The following ZNF577 variants were observed in gnomAD, a reference collection of about 807,000 sequenced individuals.
ZNF577 encodes the protein zinc finger protein 577.
A neutral mutation model predicts 13.9 loss-of-function variants in ZNF577; 14 were observed. The observed-to-expected ratio is 1.00, with a 90% CI of 0.66 to 1.57. ZNF577 has a LOEUF of 1.57. Among genes scored for constraint, ZNF577 ranks in the 40% most tolerant of loss-of-function variants. The pLI, the probability that ZNF577 is intolerant of heterozygous loss-of-function variation, is 0.00. For synonymous variants in ZNF577, 203 were observed against 202.9 expected (o/e 1.00, Z 0.00); for missense variants, 555 against 579.2 (o/e 0.96, Z 0.43).
chr19:51,824,859 G>GA lies in ZNF577; in HGVS notation c.*600-13186dup, dbSNP rs763026655. On this transcript the variant is annotated intron_variant and NMD_transcript_variant, in intron 9 of 10. Coordinates refer to the ZNF577 transcript ENST00000638827. This position sits in a 1 kb window ranked among gnomAD's most constrained non-coding sequence, Gnocchi z 4.7. ...GTCTCTTTCTACCCTGCGTTAAGCGGAAAAAAAAAATTCTGACAGTGTTTT... is the reference window on the plus strand; with the variant it reads ...GTCTCTTTCTACCCTGCGTTAAGCGGAAAAAAAAAAATTCTGACAGTGTTTT... 3,656 of 1,338,056 alleles carry GA rather than the reference G, an allele frequency of 2.7e-3. No homozygotes were observed. The highest frequency in any genetic ancestry group is 3.2e-3 in the Non-Finnish European group (3,177 of 997,126). 82.9% of individuals were successfully genotyped at this position (1,338,056 alleles called of 1,614,324 possible). A position where few individuals can be genotyped will look rare whatever the true frequency, so the allele number is the denominator to read the frequency against.
In ZNF577 at chr19:51,878,399, T is replaced by G. The variant is rs765517633; in HGVS notation, c.177A>C (p.Leu59=). The G allele has an allele frequency of 6.2e-6, 10 of 1,614,052 alleles. No homozygotes were observed. The highest frequency in any genetic ancestry group is 7.6e-6 in the Non-Finnish European group (9 of 1,179,938). ...KEVMLENYIN[L]VSIGYRGTKP... ...CAATGCTGTCCTTACCTATTGATAC[T>G]AGGTTGATGTAGTTCTCCAACATTA... Residue 59 remains leucine (L), a synonymous_variant, in exon 4 of 6, where the codon CTA becomes CTC. Coordinates refer to ENST00000638348, the MANE Select transcript of ZNF577 (RefSeq NM_001370449.1).
intron 5 of ZNF577, among the ~76,000 whole-genome samples, chr19:51,847,234 T>C (rs1194095174): frequency 3.3e-5 from 5 of 152,194 alleles, no homozygotes; most frequent in Admixed American, 6.5e-5. Context: ...GAGTTTTCTA[T>C]ATACTTGAAA....
chr19:51,827,454 T>C (rs1480531645), intron 9 of ZNF577, among the ~76,000 whole-genome samples: 4 of 152,242 alleles, frequency 2.6e-5, no homozygotes, highest in Admixed American at 2.6e-4. Context: ...TTGGTCTATA[T>C]TGTTTGCTGA....
intron 9 of ZNF577, among the ~76,000 whole-genome samples, chr19:51,835,268 A>C (rs1188091791): frequency 2.0e-5 from 3 of 152,164 alleles, no homozygotes; most frequent in African/African-American, 2.4e-5. Context: ...ATTACAAATC[A>C]CTTTATAACA....
chr19:51,839,109 T>C (rs2084305082), intron 9 of ZNF577, among the ~76,000 whole-genome samples: 1 of 152,214 alleles, frequency 6.6e-6, no homozygotes, highest in South Asian at 2.1e-4. Flanking sequence ...GGAGATACCA[T>C]CATTTTTTCC....
intron 9 of ZNF577, among the ~76,000 whole-genome samples, chr19:51,832,624 T>C (rs1377094733): frequency 6.6e-6 from 1 of 152,180 alleles, no homozygotes; most frequent in Non-Finnish European, 1.5e-5. Flanking sequence ...TAGCTCTTGG[T>C]CCTGGACATT....
intron 5 of ZNF577, among the ~76,000 whole-genome samples, chr19:51,856,437 A>T (rs902878812): frequency 6.6e-6 from 1 of 152,224 alleles, no homozygotes; most frequent in African/African-American, 2.4e-5. Flanking sequence ...CAAGTATCTC[A>T]AAGAAAAAAT....
intron 1 of ZNF577, among the ~76,000 whole-genome samples, chr19:51,884,806 A>G (rs2084917555): frequency 6.6e-6 from 1 of 152,216 alleles, no homozygotes; most frequent in African/African-American, 2.4e-5. Context: ...GCAATTGAAA[A>G]TATTTCCACT....
At chr19:51,850,144 G>A (rs2084372525) in intron 5 of ZNF577, among the ~76,000 whole-genome samples, 1 of 152,198 alleles carries the variant, frequency 6.6e-6, no homozygotes, top group African/African-American at 2.4e-5. Context: ...CCAAAGAGAG[G>A]TTTGGCCCTT....
intron 5 of ZNF577, 107 bp from the exon 6 acceptor site, chr19:51,873,813 T>C: frequency 3.4e-6 from 3 of 881,858 alleles, no homozygotes; most frequent in Non-Finnish European, 5.0e-6. Context: ...GGGCATAACT[T>C]TGTTGACATC....
chr19:51,816,862 G>T (rs10422101), intron 9 of ZNF577, among the ~76,000 whole-genome samples: 1 of 152,174 alleles, frequency 6.6e-6, no homozygotes, highest in East Asian at 1.9e-4. Context: ...TTGGAAAAAA[G>T]CCCACACATA....
At position 51,824,630 on chromosome 19, in the gene ZNF577, C is replaced by T. The variant is rs2084218418; in HGVS notation, c.*600-12956G>A. ...CAACAAGCTCCTTGGCCTTTTTTAA[C>T]AGCTGCCTCAACCCAATTCTCTACG... On this transcript the variant is annotated intron_variant and NMD_transcript_variant, in intron 9 of 10. Transcript: ENST00000638827. This position sits in a 1 kb window ranked among gnomAD's most constrained non-coding sequence, Gnocchi z 4.7. 1 of 1,614,112 alleles carries T rather than the reference C, an allele frequency of 6.2e-7. No homozygotes were observed. The highest frequency in any genetic ancestry group is 2.2e-5 in the East Asian group (1 of 44,864).
chr19:51,873,227 A>G lies in ZNF577; in HGVS notation c.763T>C (p.Cys255Arg). ...SKCGKAFSRKCRLNRHQRSHT... is the reference protein window; with the variant it reads ...SKCGKAFSRKRRLNRHQRSHT... ...GATCGCTGATGTCTATTGAGCCGGC[A>G]CTTCCGGCTGAAGGCTTTTCCGCAT... is the stretch of plus-strand genomic sequence containing the variant. The change falls in exon 6 of 6, where the codon TGC (cysteine) becomes CGC (arginine). Residue 255 changes from cysteine to arginine, a missense_variant. Cys to Arg is a radical substitution (Grantham distance 180, BLOSUM62 -3). Coordinates refer to ENST00000638348, the MANE Select transcript of ZNF577 (RefSeq NM_001370449.1). The G allele has an allele frequency of 1.2e-6, 2 of 1,613,860 alleles. No homozygotes were observed. Among genetic ancestry groups the G allele is most frequent in the South Asian group, 1.1e-5 (1 of 91,078 alleles).
chr19:51,845,200 G>C (rs1230522803), intron 5 of ZNF577, among the ~76,000 whole-genome samples: 1 of 152,020 alleles, frequency 6.6e-6, no homozygotes, highest in Non-Finnish European at 1.5e-5. Context: ...CAATTTTCAA[G>C]AGTACAATAC....
At chr19:51,879,846 A>G (rs116153457) in intron 3 of ZNF577, among the ~76,000 whole-genome samples, 1,801 of 152,292 alleles carry the variant, frequency 0.012, 36 homozygotes, top group African/African-American at 0.04. Flanking sequence ...TTCAGTAATT[A>G]AACATAGAAA....
At chr19:51,842,470 C>G (rs138362539) in intron 8 of ZNF577, among the ~76,000 whole-genome samples, 3 of 152,056 alleles carry the variant, frequency 2.0e-5, no homozygotes. Context: ...CCTTACTTGC[C>G]GTTCTATTAT....
At chr19:51,857,404 AAGAAAGAAAGAAAGAAAGAAAG>A (rs1240786254) in intron 5 of ZNF577, among the ~76,000 whole-genome samples, 4 of 124,738 alleles carry the variant, frequency 3.2e-5, no homozygotes, top group Admixed American at 1.6e-4. Flanking sequence ...GAAAGAAAGA[AAGAAAGAAAGAAAGAAAGAAAG>A]AAAAGAAAAA....
At position 51,872,534 on chromosome 19, in the gene ZNF577, A is replaced by T. The variant is rs745439889; in HGVS notation, c.1456T>A (p.Ter486LysextTer3). The change falls in exon 6 of 6, where the codon TAA (stop) becomes AAA (lysine). Residue 486 changes from the stop codon to lysine (K), a stop_lost. Transcript: ENST00000638348. ...ILYLTDIVSE[*>K] ...CCACCTTTCTGGTATCAGAAGATTTATTCTGATACAATATCTGTAAGATAC... is the reference window on the plus strand; with the variant it reads ...CCACCTTTCTGGTATCAGAAGATTTTTTCTGATACAATATCTGTAAGATAC... The T allele has an allele frequency of 2.2e-5, 35 of 1,564,168 alleles. No individual in the cohort carries two copies. Among genetic ancestry groups the T allele is most frequent in the Non-Finnish European group, 3.0e-5 (35 of 1,154,992 alleles).
At chr19:51,886,768 A>G (rs1203937036) in intron 1 of ZNF577, 53 bp downstream of exon 1, 3 of 152,232 alleles carry the variant, frequency 2.0e-5, no homozygotes, top group Non-Finnish European at 2.9e-5. Context: ...TGAAAAAGAA[A>G]CTATGACAGC....
Sources: allele counts gnomAD v4.1 joint callset (sites outside exome capture counted in the v4.1 genomes callset), GRCh38; gene constraint gnomAD v4.1.1; non-coding constraint Gnocchi (gnomAD v3.1); transcripts MANE v1.5; gene names NCBI Gene and HGNC (gene_info 2026-07-23, HGNC 2026-07-21).